The following LAMC1 variants were observed in gnomAD, a reference collection of about 807,000 sequenced individuals.
LAMC1 encodes laminin subunit gamma-1.
A neutral mutation model predicts 173.6 loss-of-function variants in LAMC1; 38 were observed. The observed-to-expected ratio is 0.22, with a 90% CI of 0.17 to 0.29. LAMC1 has a LOEUF of 0.29. Among genes scored for constraint, LAMC1 ranks in the 10% least tolerant of loss-of-function variants. The probability of loss-of-function intolerance (pLI) is 1.00; values close to 1 mark genes in which losing one functional copy is unlikely to be tolerated. For synonymous variants in LAMC1, 746 were observed against 749.1 expected, an observed-to-expected ratio of 1.00 and a Z score of 0.07; for missense variants, 1,824 against 2,051.8, an observed-to-expected ratio of 0.89 and a Z score of 2.14.
chr1:183,039,384 A>C (rs752778518), intron 1 of LAMC1, among the ~76,000 whole-genome samples: 3 of 152,186 alleles, frequency 2.0e-5, no homozygotes, highest in Non-Finnish European at 4.4e-5. Context: ...GTCTTGGATT[A>C]ACTTTCGGAG....
At chr1:183,035,711 GAGACTGAGTCACATAACAT>G (rs1653962809) in intron 1 of LAMC1, among the ~76,000 whole-genome samples, 1 of 152,134 alleles carries the variant, frequency 6.6e-6, no homozygotes, top group Non-Finnish European at 1.5e-5. Context: ...TTAGGCCCTG[GAGACTGAGTCACATAACAT>G]GGCTGTTTTT....
At chr1:183,105,269 AAGC>A (rs1025644181) in intron 2 of LAMC1, among the ~76,000 whole-genome samples, 168 of 151,486 alleles carry the variant, frequency 1.1e-3, no homozygotes, top group Admixed American at 3.8e-3. Flanking sequence ...AGAAAAGAAA[AAGC>A]AGAAGACCGA....
intron 13 of LAMC1, 122 bp from the exon 14 acceptor site, chr1:183,124,509 C>T (rs1335434359): frequency 2.9e-5 from 36 of 1,227,572 alleles, no homozygotes; most frequent in Non-Finnish European, 3.9e-5. Flanking sequence ...GTCCTCTGCC[C>T]TCCACTGCAC....
In LAMC1 at chr1:183,133,289, A is replaced by C. The variant is rs1656848617; in HGVS notation, c.3705-117A>C. Reference sequence around the variant, plus strand: ...TTGGTATTAAAATGCAAGCATTTTAATGTAGCATTTCCTTTGAGGTTTTGG... The same window carrying C: ...TTGGTATTAAAATGCAAGCATTTTACTGTAGCATTTCCTTTGAGGTTTTGG... On this transcript the variant is annotated intron_variant, in intron 21 of 27. Coordinates refer to ENST00000258341, the MANE Select transcript of LAMC1 (RefSeq NM_002293.4). 4 of 815,200 alleles carry C rather than the reference A, an allele frequency of 4.9e-6. No homozygotes were observed. In the East Asian group the frequency reaches 1.0e-4, roughly 21 times the overall value. The allele number at this position is 815,200 out of a possible 1,614,324, so 50.5% of individuals were successfully genotyped here.
chr1:183,095,295 C>T (rs1655664814), intron 1 of LAMC1, among the ~76,000 whole-genome samples: 1 of 152,038 alleles, frequency 6.6e-6, no homozygotes, highest in Non-Finnish European at 1.5e-5. Flanking sequence ...ACCACCGTGA[C>T]TAGGTATTAG....
chr1:183,038,943 A>C (rs1654053616), intron 1 of LAMC1, among the ~76,000 whole-genome samples: 1 of 152,158 alleles, frequency 6.6e-6, no homozygotes, highest in Admixed American at 6.5e-5. Context: ...AAAAAAAAGA[A>C]AAAAAGTTTT....
At chr1:183,041,923 G>T (rs1287821849) in intron 1 of LAMC1, among the ~76,000 whole-genome samples, 1 of 152,148 alleles carries the variant, frequency 6.6e-6, no homozygotes, top group Non-Finnish European at 1.5e-5. Flanking sequence ...CAGCAATTTT[G>T]TTTAGGTTTT....
chr1:183,136,654 A>G, intron 25 of LAMC1, 69 bp downstream of exon 25: 1 of 1,313,318 alleles, frequency 7.6e-7, no homozygotes, highest in Non-Finnish European at 1.1e-6. Context: ...GTTTCTTTCC[A>G]GACCCTCAGA....
At position 183,081,757 on chromosome 1, in the gene LAMC1, A is replaced by G. The variant is rs569398514; in HGVS notation, c.419-21571A>G. Among the ~76,000 whole-genome samples, 5 of 152,248 alleles carry G rather than the reference A, an allele frequency of 3.3e-5. No homozygotes were observed. In the East Asian group the frequency reaches 9.7e-4, roughly 29 times the overall value. ...TTGTTATAATCAATAAAACATTAACATGTCATAATCCCCTAAAGTCTATAG... is the reference window on the plus strand; with the variant it reads ...TTGTTATAATCAATAAAACATTAACGTGTCATAATCCCCTAAAGTCTATAG... On this transcript the variant is annotated intron_variant, in intron 1 of 27. Transcript: ENST00000258341.
intron 1 of LAMC1, among the ~76,000 whole-genome samples, chr1:183,058,839 C>A (rs1158214470): frequency 6.6e-6 from 1 of 152,110 alleles, no homozygotes; most frequent in Non-Finnish European, 1.5e-5. Context: ...CACAAAAAGC[C>A]ACCAACAAAA....
chr1:183,076,869 C>T (rs1046150110), intron 1 of LAMC1, among the ~76,000 whole-genome samples: 2 of 152,130 alleles, frequency 1.3e-5, no homozygotes, highest in African/African-American at 2.4e-5. Context: ...TCTTAGAGAC[C>T]CCACTGTGTC....
intron 2 of LAMC1, 51 bp downstream of exon 2, chr1:183,103,683 G>GTGTGGGAAGATTAT: frequency 6.8e-7 from 1 of 1,480,948 alleles, no homozygotes; most frequent in Non-Finnish European, 9.1e-7. Flanking sequence ...AACATGCGAG[G>GTGTGGGAAGATTAT]TGTGGGAAGA....
At chr1:183,136,351 A>G (rs1035435962) in intron 24 of LAMC1, 35 bp from the exon 25 acceptor site, 2 of 1,586,340 alleles carry the variant, frequency 1.3e-6, no homozygotes, top group African/African-American at 1.3e-5. Context: ...ACTTGTTGGG[A>G]GTTTAGCTCA....
In LAMC1 at chr1:183,121,805, C is replaced by T. The variant is rs1174486078; in HGVS notation, c.2073C>T (p.Thr691=). 2 of 1,614,174 alleles carry T rather than the reference C, an allele frequency of 1.2e-6. No homozygotes were observed. The highest frequency in any genetic ancestry group is 1.7e-6 in the Non-Finnish European group (2 of 1,180,022). ...GVPATWVESC[T]CPVGYGGQFC... is the part of the protein sequence containing the mutation. Reference sequence around the variant, plus strand: ...CTGCAACTTGGGTGGAGTCCTGCACCTGTCCTGTGGGATATGGAGGGCAGT... The same window carrying T: ...CTGCAACTTGGGTGGAGTCCTGCACTTGTCCTGTGGGATATGGAGGGCAGT... The change falls in exon 12 of 28, where the codon ACC becomes ACT. Residue 691 remains threonine, a synonymous_variant. Transcript: ENST00000258341.
intron 1 of LAMC1, among the ~76,000 whole-genome samples, chr1:183,092,362 A>G (rs898311872): frequency 6.6e-6 from 1 of 152,096 alleles, no homozygotes; most frequent in Admixed American, 6.6e-5. Flanking sequence ...TTAAAAAAAT[A>G]CAGAGTCTGG....
intron 17 of LAMC1, 121 bp downstream of exon 17, chr1:183,127,525 C>T (rs1656654466): frequency 3.7e-6 from 3 of 817,200 alleles, no homozygotes; most frequent in Non-Finnish European, 5.8e-6. Context: ...TTCTTAAAGA[C>T]TTATGTTCCA....
Position 183,117,559 on chromosome 1 carries a change from G to A in LAMC1, c.1713G>A (p.Leu571=), listed in dbSNP as rs746836222. 23 of 1,614,010 alleles carry A rather than the reference G, an allele frequency of 1.4e-5. No homozygotes were observed. The highest frequency in any genetic ancestry group is 1.3e-4 in the Admixed American group (8 of 59,998). ...APAKFLGKQV[L]SYGQNLSFSF... is the part of the protein sequence containing the mutation. Reference sequence around the variant, plus strand: ...CAAAGTTCTTGGGCAAGCAGGTGTTGAGTTATGGTCAGAACCTCTCCTTCT... The same window carrying A: ...CAAAGTTCTTGGGCAAGCAGGTGTTAAGTTATGGTCAGAACCTCTCCTTCT... Residue 571 remains leucine, a synonymous_variant, in exon 10 of 28, where the codon TTG becomes TTA. Coordinates refer to ENST00000258341, the MANE Select transcript of LAMC1 (RefSeq NM_002293.4).
intron 1 of LAMC1, among the ~76,000 whole-genome samples, chr1:183,040,867 A>T (rs1309142441): frequency 6.6e-6 from 1 of 152,244 alleles, no homozygotes; most frequent in East Asian, 1.9e-4. Context: ...GAATGTGTGT[A>T]TCAACAAATT....
chr1:183,055,024 TG>T (rs1387974461), intron 1 of LAMC1, among the ~76,000 whole-genome samples: 5 of 151,078 alleles, frequency 3.3e-5, no homozygotes, highest in African/African-American at 7.3e-5. Context: ...GTTTCGCTCT[TG>T]TTGCCTAGGC....
Sources: allele counts gnomAD v4.1 joint callset (sites outside exome capture counted in the v4.1 genomes callset), GRCh38; gene constraint gnomAD v4.1.1; transcripts MANE v1.5; gene names NCBI Gene and HGNC (gene_info 2026-07-23, HGNC 2026-07-21).